The following SLC16A10 variants were observed in gnomAD, a reference collection of about 807,000 sequenced individuals.
The protein encoded by SLC16A10 is monocarboxylate transporter 10.
In SLC16A10, 27 loss-of-function variants were observed where a neutral mutation model predicts 40.0. The observed-to-expected ratio is 0.67, with a 90% CI of 0.50 to 0.93. SLC16A10 has a LOEUF of 0.93. Among genes scored for constraint, SLC16A10 ranks in the 40% least tolerant of loss-of-function variants. The pLI is 0.00. For missense variants in SLC16A10, 529 were observed against 658.2 expected (o/e 0.80, Z 2.15); for synonymous variants, 213 against 249.8 (o/e 0.85, Z 1.39).
At chr6:111,088,410 T>C (rs1371567758) in intron 1 of SLC16A10, among the ~76,000 whole-genome samples, 1 of 152,232 alleles carries the variant, frequency 6.6e-6, no homozygotes, top group East Asian at 1.9e-4. Flanking sequence ...TTCCTTTTAT[T>C]GTTTGAAAAC....
chr6:111,121,195 G>A (rs1771576642), intron 1 of SLC16A10, among the ~76,000 whole-genome samples: 1 of 152,180 alleles, frequency 6.6e-6, no homozygotes, highest in South Asian at 2.1e-4. Flanking sequence ...CTTACTCCCT[G>A]TTGGAGGAAT....
intron 1 of SLC16A10, among the ~76,000 whole-genome samples, chr6:111,170,002 C>G (rs972818055): frequency 2.0e-5 from 3 of 151,328 alleles, no homozygotes; most frequent in Non-Finnish European, 4.4e-5. Context: ...CTGCAGCCTC[C>G]ACCTGCCAAG....
intron 4 of SLC16A10, among the ~76,000 whole-genome samples, chr6:111,208,688 ATG>A (rs1773293895): frequency 6.6e-6 from 1 of 152,182 alleles, no homozygotes; most frequent in Admixed American, 6.5e-5. Flanking sequence ...TTCCATTTAT[ATG>A]AAGTGTCCAG....
At chr6:111,096,470 A>T (rs1281015316) in intron 1 of SLC16A10, among the ~76,000 whole-genome samples, 1 of 150,968 alleles carries the variant, frequency 6.6e-6, no homozygotes, top group Admixed American at 6.6e-5. Flanking sequence ...ACTCCAGCAC[A>T]CCTGGGAACT....
chr6:111,115,870 A>C (rs1424114077), intron 1 of SLC16A10, among the ~76,000 whole-genome samples: 1 of 152,080 alleles, frequency 6.6e-6, no homozygotes, highest in Non-Finnish European at 1.5e-5. Context: ...AAAGGGCTGT[A>C]GTAGTGTTTG....
chr6:111,202,611 G>A (rs952842234), intron 3 of SLC16A10, among the ~76,000 whole-genome samples: 5 of 151,970 alleles, frequency 3.3e-5, no homozygotes, highest in African/African-American at 4.8e-5. Flanking sequence ...ATTCCTGGCC[G>A]AGCGCGGTGG....
chr6:111,183,203 C>T (rs967670269), intron 3 of SLC16A10, among the ~76,000 whole-genome samples: 15 of 152,310 alleles, frequency 9.8e-5, no homozygotes, highest in Admixed American at 9.8e-4. Context: ...TTCTGCCATT[C>T]GCCTTTTAAT....
intron 3 of SLC16A10, among the ~76,000 whole-genome samples, chr6:111,189,518 C>T (rs1035075623): frequency 3.3e-5 from 5 of 152,068 alleles, no homozygotes; most frequent in African/African-American, 1.2e-4. Context: ...GTTTTTTCTT[C>T]GTATACTGCA....
chr6:111,102,459 C>T (rs1305247561), intron 1 of SLC16A10, among the ~76,000 whole-genome samples: 5 of 152,134 alleles, frequency 3.3e-5, no homozygotes, highest in Non-Finnish European at 5.9e-5. Flanking sequence ...CCTTTAGAAG[C>T]TGCAAATGAC....
intron 1 of SLC16A10, among the ~76,000 whole-genome samples, chr6:111,140,424 C>T (rs1771961099): frequency 6.6e-6 from 1 of 151,956 alleles, no homozygotes; most frequent in African/African-American, 2.4e-5. Context: ...GATCATGCCA[C>T]TGCACTCCAG....
In SLC16A10 at chr6:111,087,926, C is replaced by T. The variant is rs1770898304; in HGVS notation, c.174C>T (p.Pro58=). The stretch of plus-strand genomic sequence containing the variant: ...TGGCGGGGCCGGCGACCGCGGAGCC[C>T]CATGAGCCCCCCGAACCCCCCGAGG... ...VELAGPATAE[P]HEPPEPPEGG... Residue 58 remains proline, a synonymous_variant, in exon 1 of 6, where the codon CCC becomes CCT. Transcript: ENST00000368851. 6.2e-7 allele frequency: 1 copy of T among 1,601,412 alleles called. No homozygotes were observed. The highest frequency in any genetic ancestry group is 2.3e-5 in the East Asian group (1 of 44,042).
chr6:111,125,018 C>T (rs571071811), intron 1 of SLC16A10, among the ~76,000 whole-genome samples: 22 of 152,228 alleles, frequency 1.4e-4, no homozygotes, highest in African/African-American at 5.1e-4. Flanking sequence ...CATACTTTAA[C>T]CTTAGTACAG....
chr6:111,177,782 G>A, intron 3 of SLC16A10, 117 bp downstream of exon 3: 4 of 922,974 alleles, frequency 4.3e-6, no homozygotes, highest in Non-Finnish European at 6.2e-6. Flanking sequence ...TTGTAATTTT[G>A]GTATTCTTGA....
intron 5 of SLC16A10, 109 bp from the exon 6 acceptor site, chr6:111,221,889 TAAAAA>T: frequency 1.3e-6 from 1 of 777,176 alleles, no homozygotes. Flanking sequence ...ATCTGTTTCC[TAAAAA>T]AAAAAAAAAG....
chr6:111,137,483 T>A (rs936954724), intron 1 of SLC16A10, among the ~76,000 whole-genome samples: 1 of 152,180 alleles, frequency 6.6e-6, no homozygotes, highest in Non-Finnish European at 1.5e-5. Flanking sequence ...CCTTGTTAAG[T>A]TTGTCTCTTA....
In SLC16A10 at chr6:111,218,807, G is replaced by C. The variant is rs374053862; in HGVS notation, c.1087-7G>C. On this transcript the variant is annotated splice_region_variant and splice_polypyrimidine_tract_variant and intron_variant, in intron 4 of 5. Coordinates refer to ENST00000368851, the MANE Select transcript of SLC16A10 (RefSeq NM_018593.5). Reference sequence around the variant, plus strand: ...GAGCGGAGCTGACCTTGTGGTGTCCGTCCTAGGTACTCTCCTTTTTCTTCA... The same window carrying C: ...GAGCGGAGCTGACCTTGTGGTGTCCCTCCTAGGTACTCTCCTTTTTCTTCA... 4.3e-6 allele frequency: 7 copies of C among 1,613,102 alleles called. No individual in the cohort carries two copies. The South Asian group carries it at 7.7e-5, about 18-fold the overall frequency.
intron 1 of SLC16A10, among the ~76,000 whole-genome samples, chr6:111,138,929 A>G (rs1771931247): frequency 6.6e-6 from 1 of 152,202 alleles, no homozygotes; most frequent in African/African-American, 2.4e-5. Context: ...ATCCTCCAAA[A>G]GCTGAATTCA....
chr6:111,094,258 G>A (rs564141805), intron 1 of SLC16A10, among the ~76,000 whole-genome samples: 2 of 150,530 alleles, frequency 1.3e-5, no homozygotes, highest in Non-Finnish European at 2.9e-5. Context: ...ACTGTCTTGG[G>A]GCTGTTATTT....
intron 1 of SLC16A10, among the ~76,000 whole-genome samples, chr6:111,166,275 C>T (rs533123430): frequency 7.8e-6 from 1 of 128,694 alleles, no homozygotes; most frequent in South Asian, 2.2e-4. Context: ...ACTGGCATGT[C>T]AGGCTTCTGG....
Sources: gnomAD v4.1 joint callset for allele counts (sites outside exome capture counted in the v4.1 genomes callset) on GRCh38, gnomAD v4.1.1 for gene constraint, MANE v1.5 for transcripts, NCBI Gene and HGNC (gene_info 2026-07-23, HGNC 2026-07-21) for gene names.